The following STAB2 variants were observed in gnomAD, a reference collection of about 807,000 sequenced individuals.
STAB2 encodes the protein stabilin-2.
Under a neutral mutation model 338.1 loss-of-function variants are expected in STAB2, and 288 were observed. That is an observed-to-expected ratio of 0.85 (90% confidence interval 0.77 to 0.94). The LOEUF (loss-of-function observed/expected upper bound fraction) is 0.94, where lower values mean the gene tolerates loss of function less well. Among genes scored for constraint, STAB2 ranks in the 40% least tolerant of loss-of-function variants. The probability of loss-of-function intolerance (pLI) is 0.00; values close to 1 mark genes in which losing one functional copy is unlikely to be tolerated. For synonymous variants in STAB2, 1,202 were observed against 1,193.3 expected, an observed-to-expected ratio of 1.01 and a Z score of -0.15; for missense variants, 3,141 against 3,210.1, an observed-to-expected ratio of 0.98 and a Z score of 0.52.
intron 39 of STAB2, among the ~76,000 whole-genome samples, chr12:103,709,452 G>A (rs1179075248): frequency 1.3e-5 from 2 of 152,184 alleles, no homozygotes; most frequent in Non-Finnish European, 2.9e-5. Context: ...TGGCACTTAA[G>A]AAAAATCATT....
rs554906322 is a variant in STAB2 at position 103,745,292 on chromosome 12, T to C, written c.6136+15T>C. The C allele has an allele frequency of 9.9e-6, 16 of 1,609,106 alleles. No individual in the cohort carries two copies. The highest frequency in any genetic ancestry group is 1.7e-4 in the Middle Eastern group (1 of 5,800). The stretch of plus-strand genomic sequence containing the variant: ...CACTCAGGCAGGTCAGTCATGGGAG[T>C]GGTCAGCTGCTGGCAGCCCAGGGCT... On this transcript the variant is annotated intron_variant, in intron 57 of 68. Transcript: ENST00000388887.
chr12:103,682,819 G>C (rs147928112), intron 25 of STAB2, among the ~76,000 whole-genome samples: 7 of 152,090 alleles, frequency 4.6e-5, no homozygotes, highest in African/African-American at 1.4e-4. Context: ...GTGGTGGCAC[G>C]TGCCTGTAAT....
At position 103,688,194 on chromosome 12, in the gene STAB2, T is replaced by A. The variant is rs1233524961; in HGVS notation, c.3024T>A (p.Ala1008=). 1.2e-6 allele frequency: 2 copies of A among 1,613,846 alleles called. No individual in the cohort carries two copies. The highest frequency in any genetic ancestry group is 1.3e-5 in the African/African-American group (1 of 74,924). The change falls in exon 28 of 69, where the codon GCT becomes GCA. Residue 1008 remains alanine (A), a synonymous_variant. Coordinates refer to ENST00000388887, the MANE Select transcript of STAB2 (RefSeq NM_017564.10). ...AATTGTCATTTCTCTCCGAAGCAGCTATATTTAACCGATGGATAAATGTGA... is the reference window on the plus strand; with the variant it reads ...AATTGTCATTTCTCTCCGAAGCAGCAATATTTAACCGATGGATAAATGTGA... The part of the protein sequence containing the change: ...AVELSFLSEA[A]IFNRWINNAS...
chr12:103,727,212 C>T (rs143107906), intron 46 of STAB2, 55 bp from the exon 47 acceptor site: 36 of 1,592,188 alleles, frequency 2.3e-5, no homozygotes, highest in African/African-American at 4.0e-5. Flanking sequence ...GTTTGAGCCC[C>T]GGCATGTATT....
At chr12:103,599,163 G>T (rs985227071) in intron 3 of STAB2, among the ~76,000 whole-genome samples, 3 of 152,204 alleles carry the variant, frequency 2.0e-5, no homozygotes, top group Non-Finnish European at 4.4e-5. Context: ...TTAAACAAAG[G>T]TGGTGACATG....
At chr12:103,716,665 C>T (rs941066807) in intron 43 of STAB2, among the ~76,000 whole-genome samples, 4 of 152,200 alleles carry the variant, frequency 2.6e-5, no homozygotes, top group Admixed American at 6.5e-5. Context: ...TGTGTGAGCA[C>T]ACATGCACAT....
chr12:103,713,875 G>T, intron 42 of STAB2, 107 bp downstream of exon 42: 2 of 1,524,644 alleles, frequency 1.3e-6, no homozygotes, highest in South Asian at 1.2e-5. Flanking sequence ...ACTGAGGTCA[G>T]TATTCCATTT....
intron 57 of STAB2, 110 bp downstream of exon 57, chr12:103,745,387 G>C: frequency 2.1e-6 from 2 of 954,876 alleles, no homozygotes; most frequent in East Asian, 5.4e-5. Context: ...AAGTGACAAA[G>C]CAGGTCCATG....
chr12:103,656,216 G>A (rs772605921), intron 15 of STAB2, among the ~76,000 whole-genome samples: 6 of 152,160 alleles, frequency 3.9e-5, no homozygotes, highest in Admixed American at 1.3e-4. Context: ...AATTTTGTTC[G>A]TTAGAATGTC....
In STAB2 at chr12:103,670,796, G is replaced by A. The variant is rs17034336; in HGVS notation, c.2360G>A (p.Arg787Gln). ...FCSDPNKYGP[R>Q]CNKKCLCVHG... ...TCTGATCCCAATAAATACGGACCTC[G>A]GTGTAACAAAAGTAAGTGGCACTTC... is the stretch of plus-strand genomic sequence containing the variant. Residue 787 changes from arginine (R) to glutamine (Q), a missense_variant, in exon 22 of 69, where the codon CGG becomes CAG. By Grantham distance (43) the Arg-to-Gln change is conservative. Transcript: ENST00000388887. The A allele has an allele frequency of 0.025, 40,522 of 1,613,464 alleles. 673 individuals carry two copies. The highest frequency in any genetic ancestry group is 0.055 in the Middle Eastern group (331 of 6,060).
chr12:103,632,240 GGGT>G (rs1957475445), intron 6 of STAB2, among the ~76,000 whole-genome samples: 1 of 152,166 alleles, frequency 6.6e-6, no homozygotes, highest in South Asian at 2.1e-4. Flanking sequence ...GGAAACCAAG[GGGT>G]GATTTAAACA....
At chr12:103,718,588 G>T (rs1335944622) in intron 44 of STAB2, among the ~76,000 whole-genome samples, 8 of 152,198 alleles carry the variant, frequency 5.3e-5, no homozygotes, top group African/African-American at 1.9e-4. Flanking sequence ...GGTTGTTCTT[G>T]TTCTGTGTAA....
chr12:103,762,249 G>A lies in STAB2; in HGVS notation c.7360-25G>A, dbSNP rs755405317. 1.9e-5 allele frequency: 31 copies of A among 1,611,866 alleles called. No individual in the cohort carries two copies. The South Asian group carries it at 2.9e-4, about 15-fold the overall frequency. ...GGGGAGTCAGAAGTTTTAAGAATGG[G>A]CCCCTTTCCTTTCTTTGTGTTCAGA... On this transcript the variant is annotated intron_variant, in intron 66 of 68. Transcript: ENST00000388887.
At position 103,702,399 on chromosome 12, in the gene STAB2, C is replaced by T. The variant is rs183648956; in HGVS notation, c.3715-749C>T. On this transcript the variant is annotated intron_variant, in intron 34 of 68. Transcript: ENST00000388887. ...CTGCAAGCTCCGCTTCCCGGGTTCA[C>T]GCCGTTCTCCTGCCTCAGCCTCCCG... Among the ~76,000 whole-genome samples, 835 of 151,826 alleles carry T rather than the reference C, an allele frequency of 5.5e-3. 3 individuals carry two copies. The highest frequency in any genetic ancestry group is 9.1e-3 in the Non-Finnish European group (616 of 67,934).
At chr12:103,720,802 G>A (rs946789853) in intron 44 of STAB2, among the ~76,000 whole-genome samples, 40 of 152,202 alleles carry the variant, frequency 2.6e-4, no homozygotes, top group African/African-American at 8.4e-4. Flanking sequence ...CATTCTGGAG[G>A]CTGGGCAGTC....
chr12:103,740,774 C>G lies in STAB2; in HGVS notation c.5881+18C>G. On this transcript the variant is annotated intron_variant, in intron 55 of 68. Transcript: ENST00000388887. ...CTGTCAGGGTGAGGGTGCCTCTTCCCCCCTCGCAACTCTAAAAGTGGTAAT... is the reference window on the plus strand; with the variant it reads ...CTGTCAGGGTGAGGGTGCCTCTTCCGCCCTCGCAACTCTAAAAGTGGTAAT... The G allele has an allele frequency of 6.4e-7, 1 of 1,554,682 alleles. No homozygotes were observed. The highest frequency in any genetic ancestry group is 2.4e-5 in the East Asian group (1 of 41,994).
Position 103,712,427 on chromosome 12 carries a change from C to T in STAB2, c.4395C>T (p.Asn1465=), listed in dbSNP as rs182228675. The T allele has an allele frequency of 1.1e-5, 18 of 1,613,844 alleles. No homozygotes were observed. Among genetic ancestry groups the T allele is most frequent in the South Asian group, 6.6e-5 (6 of 91,076 alleles). Residue 1465 remains asparagine, a synonymous_variant, in exon 41 of 69, where the codon AAC becomes AAT. Coordinates refer to ENST00000388887, the MANE Select transcript of STAB2 (RefSeq NM_017564.10). The part of the protein sequence containing the change: ...SCKCAAGFQG[N]GTICTAINAC... ...AGTGTGCAGCAGGATTCCAAGGAAA[C>T]GGGACCATCTGCACAGGCAAGCGAA...
At chr12:103,670,593 G>A (rs1875672538) in intron 21 of STAB2, 103 bp from the exon 22 acceptor site, 1 of 900,494 alleles carries the variant, frequency 1.1e-6, no homozygotes, top group Non-Finnish European at 1.8e-6. Flanking sequence ...AGAGGGTCAT[G>A]TCAAGTGGGA....
chr12:103,646,618 C>T (rs1198477216), intron 9 of STAB2, among the ~76,000 whole-genome samples: 1 of 152,166 alleles, frequency 6.6e-6, no homozygotes, highest in Admixed American at 6.5e-5. Flanking sequence ...GTTTTCAGGT[C>T]CATCCTTAGC....
Sources: gnomAD v4.1 joint callset for allele counts (sites outside exome capture counted in the v4.1 genomes callset) on GRCh38, gnomAD v4.1.1 for gene constraint, MANE v1.5 for transcripts, NCBI Gene and HGNC (gene_info 2026-07-23, HGNC 2026-07-21) for gene names.